The following IFI16 variants were observed in gnomAD, a reference collection of about 807,000 sequenced individuals.
IFI16 encodes interferon gamma inducible protein 16, also known as gamma-interferon-inducible protein 16.
Under a neutral mutation model 68.4 loss-of-function variants are expected in IFI16, and 49 were observed. The ratio of observed to expected loss-of-function variants is 0.72; its 90% CI spans 0.57 to 0.91. The LOEUF is 0.91. Ranked by LOEUF, IFI16 falls within the 40% of genes least tolerant of loss-of-function variation. The probability of loss-of-function intolerance (pLI) is 0.00; values close to 1 mark genes in which losing one functional copy is unlikely to be tolerated. For synonymous variants in IFI16, 307 were observed against 315.0 expected (o/e 0.97, Z 0.27); for missense variants, 878 against 942.9 (o/e 0.93, Z 0.90).
chr1:159,002,038 G>T (rs1652079059), upstream of IFI16, among the ~76,000 whole-genome samples: 1 of 152,274 alleles, frequency 6.6e-6, no homozygotes, highest in African/African-American at 2.4e-5. Flanking sequence ...AATGTTGAGG[G>T]AGCATATAAT....
intron 6 of IFI16, among the ~76,000 whole-genome samples, chr1:159,024,324 G>T (rs868136798): frequency 2.0e-5 from 3 of 152,132 alleles, no homozygotes; most frequent in Middle Eastern, 3.2e-3. Flanking sequence ...CACCTAGGGG[G>T]TCTTTTTCAT....
intron 7 of IFI16, among the ~76,000 whole-genome samples, chr1:159,044,117 T>C (rs1176755697): frequency 6.6e-6 from 1 of 152,140 alleles, no homozygotes; most frequent in Non-Finnish European, 1.5e-5. Flanking sequence ...CTAAAACCCA[T>C]TCTTTGTGCA....
chr1:159,046,677 C>T (rs1213649488), intron 8 of IFI16, among the ~76,000 whole-genome samples: 1 of 150,986 alleles, frequency 6.6e-6, no homozygotes, highest in Non-Finnish European at 1.5e-5. Context: ...GGTTTTGATA[C>T]TTCCTTTGAT....
chr1:159,046,189 A>G (rs1350790235), intron 8 of IFI16, among the ~76,000 whole-genome samples: 6 of 151,234 alleles, frequency 4.0e-5, no homozygotes, highest in Non-Finnish European at 8.9e-5. Flanking sequence ...TTTACAATGA[A>G]CATAGTAAGA....
intron 2 of IFI16, chr1:159,015,670 G>A (rs751123288): frequency 9.2e-6 from 5 of 546,002 alleles, no homozygotes; most frequent in Non-Finnish European, 1.6e-5. Context: ...AGGAGCATGA[G>A]TCAGTGCTTG....
chr1:159,032,400 G>A, intron 6 of IFI16, 124 bp from the exon 7 acceptor site: 1 of 564,144 alleles, frequency 1.8e-6, no homozygotes, highest in South Asian at 3.6e-5. Context: ...ACATTAGAGA[G>A]AGACCATGTT....
chr1:159,052,814 T>G (rs1056689871), intron 10 of IFI16: 2 of 152,218 alleles, frequency 1.3e-5, no homozygotes, highest in African/African-American at 2.4e-5. Flanking sequence ...CCTTTCAGTC[T>G]CTACACATCA....
In IFI16 at chr1:159,014,831, T is replaced by G. The variant is rs1232285804; in HGVS notation, c.151T>G (p.Leu51Val). The change falls in exon 2 of 12, where the codon TTG (leucine) becomes GTG (valine). Residue 51 changes from leucine to valine, a missense_variant. Transcript: ENST00000295809. ...EEYDKIQIADLMEEKFRGDAG... is the reference protein window; with the variant it reads ...EEYDKIQIADVMEEKFRGDAG... ...GTATGACAAAATTCAGATTGCTGAC[T>G]TGATGGAAGAAAAGTTCCGAGGTGA... 8 of 1,614,122 alleles carry G rather than the reference T, an allele frequency of 5.0e-6. No individual in the cohort carries two copies. Among genetic ancestry groups the G allele is most frequent in the Non-Finnish European group, 6.8e-6 (8 of 1,179,978 alleles).
At chr1:159,053,376 G>T in intron 10 of IFI16, 157 bp from the exon 11 acceptor site, 1 of 455,008 alleles carries the variant, frequency 2.2e-6, no homozygotes. Flanking sequence ...AGGATTCAAA[G>T]ACCAAGTATC....
upstream of IFI16, among the ~76,000 whole-genome samples, chr1:159,006,314 GA>G (rs1213067532): frequency 6.6e-6 from 1 of 152,168 alleles, no homozygotes; most frequent in Non-Finnish European, 1.5e-5. Flanking sequence ...TAATTCTACA[GA>G]AGCAAAAACA....
In IFI16 at chr1:159,032,521, C is replaced by T. The variant is rs182029622; in HGVS notation, c.1162-3C>T. ...CCATTAAACAGAAAATGAATACTTT[C>T]AGATAAAGAAAAAAACAAACCCGAG... is the stretch of plus-strand genomic sequence containing the variant. On this transcript the variant is annotated splice_polypyrimidine_tract_variant and splice_region_variant and intron_variant, in intron 6 of 11. Coordinates refer to ENST00000295809, the MANE Select transcript of IFI16 (RefSeq NM_001376587.1). 13 of 1,563,476 alleles carry T rather than the reference C, an allele frequency of 8.3e-6. No homozygotes were observed. In the South Asian group the frequency reaches 1.1e-4, roughly 13 times the overall value.
chr1:159,005,316 C>G (rs1652213555), upstream of IFI16, among the ~76,000 whole-genome samples: 2 of 152,192 alleles, frequency 1.3e-5, no homozygotes, highest in Non-Finnish European at 2.9e-5. Context: ...GGTCAGAGAA[C>G]AGGAGTTTTC....
Position 159,014,702 on chromosome 1 carries a change from A to G in IFI16, c.22A>G (p.Ile8Val), listed in dbSNP as rs150231339. Residue 8 changes from isoleucine (I) to valine (V), a missense_variant, in exon 2 of 12, where the codon ATT (isoleucine) becomes GTT (valine). This residue lies in a region of IFI16 where 65 missense variants were observed against 96.9 expected (regional missense o/e 0.67). Coordinates refer to ENST00000295809, the MANE Select transcript of IFI16 (RefSeq NM_001376587.1). ...AAAGATGGGAAAAAAATACAAGAACATTGTTCTACTAAAAGGATTAGAGGT... is the reference window on the plus strand; with the variant it reads ...AAAGATGGGAAAAAAATACAAGAACGTTGTTCTACTAAAAGGATTAGAGGT... MGKKYKN[I>V]VLLKGLEVIN... The G allele has an allele frequency of 2.4e-5, 39 of 1,601,436 alleles. No homozygotes were observed. The African/African-American group carries it at 3.8e-4, about 15-fold the overall frequency.
In IFI16 at chr1:159,016,644, C is replaced by G; in HGVS notation, c.493C>G (p.Arg165Gly). Residue 165 changes from arginine to glycine, a missense_variant, in exon 4 of 12, where the codon CGT becomes GGT. By Grantham distance (125) the Arg-to-Gly change is moderately radical. Transcript: ENST00000295809. ...AGAGMSTAMG[R>G]SPSPKTSLSA... ...AGCCGGCATGTCCACAGCCATGGGC[C>G]GTTCCCCATCTCCCAAGACCTCATT... 1 of 1,614,146 alleles carries G rather than the reference C, an allele frequency of 6.2e-7. No homozygotes were observed. Among genetic ancestry groups the G allele is most frequent in the Non-Finnish European group, 8.5e-7 (1 of 1,180,004 alleles).
rs772839461 is a variant in IFI16, at chr1:159,015,935, C to T, written c.329C>T (p.Ser110Phe). 4.5e-5 allele frequency: 72 copies of T among 1,614,192 alleles called. No individual in the cohort carries two copies. The highest frequency in any genetic ancestry group is 6.0e-5 in the Non-Finnish European group (71 of 1,180,004). ...KEVDATSPAP[S>F]TSSTVKTEGA... ...GTGGATGCTACTTCACCTGCACCCT[C>T]CACAAGCAGCACTGTCAAAACTGAA... The change falls in exon 3 of 12, where the codon TCC becomes TTC. Residue 110 changes from serine (S) to phenylalanine (F), a missense_variant. This residue lies in a region of IFI16 where 443 missense variants were observed against 421.8 expected (regional missense o/e 1.05). Transcript: ENST00000295809.
chr1:159,013,201 C>A (rs1017631473), intron 1 of IFI16, among the ~76,000 whole-genome samples: 18 of 124,774 alleles, frequency 1.4e-4, no homozygotes, highest in Non-Finnish European at 2.7e-4. Flanking sequence ...CGGAGTCTCA[C>A]TCTGTCACCC....
chr1:159,041,313 C>T (rs369234930), intron 7 of IFI16, among the ~76,000 whole-genome samples: 5 of 152,180 alleles, frequency 3.3e-5, no homozygotes, highest in Admixed American at 2.0e-4. Flanking sequence ...CCAGGTGGAA[C>T]GTGGAACCCC....
chr1:159,010,243 G>C (rs1405462223), intron 1 of IFI16, 82 bp downstream of exon 1: 1 of 152,164 alleles, frequency 6.6e-6, no homozygotes, highest in Non-Finnish European at 1.5e-5. Flanking sequence ...AATCAGTATT[G>C]GTTATTCAGG....
intron 6 of IFI16, among the ~76,000 whole-genome samples, chr1:159,022,011 G>T (rs1157464888): frequency 1.7e-5 from 2 of 118,982 alleles, no homozygotes; most frequent in African/African-American, 3.2e-5. Context: ...TTGCCCAGGC[G>T]GGAGTGCAGT....
Sources: allele counts gnomAD v4.1 joint callset (sites outside exome capture counted in the v4.1 genomes callset), GRCh38; gene constraint gnomAD v4.1.1; regional missense constraint gnomAD v4.1.1; transcripts MANE v1.5; gene names NCBI Gene and HGNC (gene_info 2026-07-23, HGNC 2026-07-21).